The following WAPL variants were observed in gnomAD, a reference collection of about 807,000 sequenced individuals.
WAPL encodes the protein wings apart-like protein homolog.
WAPL carries 5 observed loss-of-function variants against 121.0 expected under a neutral mutation model. That is an observed-to-expected ratio of 0.04 (90% CI 0.02 to 0.09). The LOEUF (loss-of-function observed/expected upper bound fraction) is 0.09, where lower values mean the gene tolerates loss of function less well. Among genes scored for constraint, WAPL ranks in the 10% least tolerant of loss-of-function variants. The probability of loss-of-function intolerance (pLI) is 1.00; values close to 1 mark genes in which losing one functional copy is unlikely to be tolerated. For missense variants in WAPL, 999 were observed against 1,410.8 expected (o/e 0.71, Z 4.68); for synonymous variants, 480 against 481.5 (o/e 1.00, Z 0.04).
chr10:86,515,883 TG>T (rs1842546128), intron 2 of WAPL, among the ~76,000 whole-genome samples: 1 of 148,360 alleles, frequency 6.7e-6, no homozygotes, highest in South Asian at 2.2e-4. Context: ...TTTTTTTTTT[TG>T]AGATGGCATC....
intron 4 of WAPL, among the ~76,000 whole-genome samples, chr10:86,495,021 T>C (rs547028961): frequency 2.0e-5 from 3 of 152,098 alleles, no homozygotes; most frequent in South Asian, 4.2e-4. Flanking sequence ...TCAGGTAAAA[T>C]AGGAAAAATA....
At chr10:86,490,281 T>C (rs187535465) in intron 4 of WAPL, among the ~76,000 whole-genome samples, 32 of 152,174 alleles carry the variant, frequency 2.1e-4, no homozygotes, top group Middle Eastern at 3.4e-3. Flanking sequence ...CTCAGTCCCA[T>C]AGCTCTTTTT....
intron 9 of WAPL, among the ~76,000 whole-genome samples, chr10:86,464,657 A>T (rs990091819): frequency 6.6e-6 from 1 of 152,180 alleles, no homozygotes; most frequent in Admixed American, 6.5e-5. Flanking sequence ...AACATAGCAA[A>T]ACTCTGTCTC....
intron 4 of WAPL, among the ~76,000 whole-genome samples, chr10:86,491,282 G>A (rs1436682834): frequency 1.3e-5 from 2 of 150,996 alleles, no homozygotes; most frequent in African/African-American, 2.4e-5. Flanking sequence ...TGGGACCACA[G>A]GCGCCCGCCA....
chr10:86,510,134 G>T (rs181822321), intron 2 of WAPL, among the ~76,000 whole-genome samples: 2 of 142,788 alleles, frequency 1.4e-5, no homozygotes, highest in Admixed American at 7.2e-5. Context: ...GAGTGCAGTG[G>T]CATGATCTTG....
chr10:86,448,017 C>T (rs1849668668), intron 15 of WAPL, among the ~76,000 whole-genome samples: 1 of 151,904 alleles, frequency 6.6e-6, no homozygotes, highest in Admixed American at 6.6e-5. Context: ...CGCTGCACTC[C>T]AGCCTGGACG....
chr10:86,477,093 TA>T (rs1841674644), intron 4 of WAPL, among the ~76,000 whole-genome samples: 1 of 152,198 alleles, frequency 6.6e-6, no homozygotes, highest in Non-Finnish European at 1.5e-5. Context: ...AAGATTAATA[TA>T]GGGTTTATTA....
intron 4 of WAPL, among the ~76,000 whole-genome samples, chr10:86,480,568 T>G (rs1002116631): frequency 6.6e-5 from 10 of 152,170 alleles, no homozygotes; most frequent in Non-Finnish European, 1.3e-4. Flanking sequence ...TAAATATTGA[T>G]GACAAGTTGT....
chr10:86,454,359 G>GCTCTCCCTCTCC (rs201751242), intron 12 of WAPL, among the ~76,000 whole-genome samples: 1 of 151,666 alleles, frequency 6.6e-6, no homozygotes, highest in South Asian at 2.1e-4. Flanking sequence ...AAGGATTCTC[G>GCTCTCCCTCTCC]CTCTCCCTCT....
rs192405960 is a variant in WAPL at position 86,462,976 on chromosome 10, T to G, written c.2371-1689A>C. On this transcript the variant is annotated intron_variant, in intron 9 of 18. Transcript: ENST00000298767. ...ACTCGAGCCTTTTTAGGAAGTTTTG[T>G]TTTTGTTTCTATTGGCATAAAAAGG... is the stretch of plus-strand genomic sequence containing the variant. Among the ~76,000 whole-genome samples, 666 of 152,332 alleles carry G rather than the reference T, an allele frequency of 4.4e-3. 4 individuals are homozygous for G. The highest frequency in any genetic ancestry group is 7.7e-3 in the Non-Finnish European group (523 of 68,024).
intron 14 of WAPL, among the ~76,000 whole-genome samples, chr10:86,452,566 T>C (rs1354150878): frequency 6.6e-6 from 1 of 151,430 alleles, no homozygotes; most frequent in Non-Finnish European, 1.5e-5. Flanking sequence ...CACTCCAGCC[T>C]GGGCAAGAGA....
chr10:86,437,959 T>C lies in WAPL; in HGVS notation c.3468A>G (p.Thr1156=). ...YLPEGDFSIM[T]EMLKKFLSFM... ...AACTCAAAAATTTTTTGAGCATCTC[T>C]GTCATTATTGAAAAGTCTCCTTCTG... is the stretch of plus-strand genomic sequence containing the variant. Residue 1156 remains threonine (T), a synonymous_variant, in exon 18 of 19, where the codon ACA becomes ACG. Transcript: ENST00000298767. The C allele has an allele frequency of 1.2e-6, 2 of 1,614,024 alleles. No homozygotes were observed. Among genetic ancestry groups the C allele is most frequent in the Non-Finnish European group, 1.7e-6 (2 of 1,179,950 alleles).
chr10:86,519,861 T>C (rs1842637955), intron 1 of WAPL, among the ~76,000 whole-genome samples: 2 of 152,294 alleles, frequency 1.3e-5, no homozygotes, highest in African/African-American at 4.8e-5. Context: ...AAACCAAAAA[T>C]CTAGACTTGA....
chr10:86,490,023 T>C (rs1842010688), intron 4 of WAPL, among the ~76,000 whole-genome samples: 1 of 152,088 alleles, frequency 6.6e-6, no homozygotes, highest in Non-Finnish European at 1.5e-5. Context: ...AAGATCAGCC[T>C]GGCAAACAGG....
At chr10:86,520,956 C>A (rs1377031982) in intron 1 of WAPL, among the ~76,000 whole-genome samples, 1 of 152,046 alleles carries the variant, frequency 6.6e-6, no homozygotes, top group East Asian at 1.9e-4. Flanking sequence ...GCGCGATGGA[C>A]CCCTCGGACT....
At chr10:86,464,083 G>A (rs1841346686) in intron 9 of WAPL, among the ~76,000 whole-genome samples, 1 of 152,122 alleles carries the variant, frequency 6.6e-6, no homozygotes, top group African/African-American at 2.4e-5. Flanking sequence ...ATCTTTTCAT[G>A]GCACATCAGC....
chr10:86,444,892 C>CAAAAAAAAAAAAAAAAAAAA (rs35307250), intron 16 of WAPL, among the ~76,000 whole-genome samples: 4 of 68,192 alleles, frequency 5.9e-5, no homozygotes, highest in Non-Finnish European at 1.1e-4. Flanking sequence ...GTTATTACGC[C>CAAAAAAAAAAAAAAAAAAAA]AAAAAAAAAA....
rs979211470 is a variant in WAPL, at chr10:86,521,585, G to A, written c.-243C>T. ...CCCCGCCTCGAGCGCCGCCGGCCGGGCCCAGGCCTAGCTCTCGCTGGCCGC... is the reference window on the plus strand; with the variant it reads ...CCCCGCCTCGAGCGCCGCCGGCCGGACCCAGGCCTAGCTCTCGCTGGCCGC... On this transcript the variant is annotated 5_prime_UTR_variant, in exon 1 of 19. Coordinates refer to ENST00000298767, the MANE Select transcript of WAPL (RefSeq NM_015045.5). 1.1e-5 allele frequency: 5 copies of A among 441,994 alleles called. No individual in the cohort carries two copies. Among genetic ancestry groups the A allele is most frequent in the African/African-American group, 8.6e-5 (4 of 46,592 alleles). 27.4% of individuals were successfully genotyped at this position (441,994 alleles called of 1,614,324 possible).
chr10:86,497,570 T>C (rs1204462001), intron 3 of WAPL, among the ~76,000 whole-genome samples: 1 of 152,200 alleles, frequency 6.6e-6, no homozygotes, highest in Non-Finnish European at 1.5e-5. Context: ...TCTTATTTTA[T>C]GTCAAATGGA....
Sources: allele counts gnomAD v4.1 joint callset (sites outside exome capture counted in the v4.1 genomes callset), GRCh38; gene constraint gnomAD v4.1.1; transcripts MANE v1.5; gene names NCBI Gene and HGNC (gene_info 2026-07-23, HGNC 2026-07-21).